The following KDM2A variants were observed in gnomAD, a reference collection of about 807,000 sequenced individuals.
The protein encoded by KDM2A is lysine demethylase 2A, also known as lysine-specific demethylase 2A.
Under a neutral mutation model 137.3 loss-of-function variants are expected in KDM2A, and 3 were observed. The ratio of observed to expected loss-of-function variants is 0.02; its 90% confidence interval spans 0.01 to 0.06. The LOEUF is 0.06. Ranked by LOEUF, KDM2A falls within the 10% of genes least tolerant of loss-of-function variation. KDM2A has a pLI of 1.00. For missense variants in KDM2A, 738 were observed against 1,510.6 expected, an observed-to-expected ratio of 0.49 and a Z score of 8.48; for synonymous variants, 512 against 541.5, an observed-to-expected ratio of 0.95 and a Z score of 0.76.
chr11:67,210,205 A>G (rs949715546), intron 6 of KDM2A, among the ~76,000 whole-genome samples: 5 of 151,632 alleles, frequency 3.3e-5, no homozygotes, highest in Non-Finnish European at 7.4e-5. Flanking sequence ...CTGTCTCTAT[A>G]GAAAAATTAG....
intron 12 of KDM2A, among the ~76,000 whole-genome samples, chr11:67,242,534 TG>T (rs1859077256): frequency 6.6e-6 from 1 of 152,244 alleles, no homozygotes; most frequent in Non-Finnish European, 1.5e-5. Context: ...AAAGTTTTAC[TG>T]TCATATGTAG....
At chr11:67,177,967 A>T (rs552339858) in intron 2 of KDM2A, among the ~76,000 whole-genome samples, 1 of 152,332 alleles carries the variant, frequency 6.6e-6, no homozygotes, top group African/African-American at 2.4e-5. Context: ...GAACACTGTC[A>T]TATATGTGCA....
Position 67,250,294 on chromosome 11 carries a change from A to C in KDM2A, c.2264A>C (p.Glu755Ala). The C allele has an allele frequency of 6.2e-7, 1 of 1,613,972 alleles. No homozygotes were observed. Among genetic ancestry groups the C allele is most frequent in the Non-Finnish European group, 8.5e-7 (1 of 1,179,898 alleles). Residue 755 changes from glutamate to alanine, a missense_variant, in exon 17 of 21, where the codon GAG (glutamate) becomes GCG (alanine). By Grantham distance (107) the Glu-to-Ala change is moderately radical (BLOSUM62 -1). Coordinates refer to ENST00000529006, the MANE Select transcript of KDM2A (RefSeq NM_012308.3). This position sits in a 1 kb window ranked among gnomAD's most constrained non-coding sequence, Gnocchi z 7.1. ...GACCACCACAGTGCCAGCCGCGATG[A>C]GCGCTTCAAACGGCGGCAGTTGCTG... Reference protein sequence around the residue: ...PSDHHSASRDERFKRRQLLRL... With the variant: ...PSDHHSASRDARFKRRQLLRL...
At chr11:67,181,481 C>A in intron 4 of KDM2A, 83 bp downstream of exon 4, 4 of 825,032 alleles carry the variant, frequency 4.8e-6, no homozygotes, top group Non-Finnish European at 7.8e-6. Context: ...GTATTGATAA[C>A]CCAAAACAAT....
chr11:67,236,908 C>T (rs1433928169), intron 12 of KDM2A, among the ~76,000 whole-genome samples: 1 of 152,068 alleles, frequency 6.6e-6, no homozygotes, highest in African/African-American at 2.4e-5. Context: ...CCTCAAGAGC[C>T]TTAGAGTTCA....
chr11:67,190,183 G>C (rs1211839183), intron 5 of KDM2A, among the ~76,000 whole-genome samples: 1 of 152,216 alleles, frequency 6.6e-6, no homozygotes, highest in African/African-American at 2.4e-5. Context: ...GCCGAGGCGG[G>C]TGGATCACCT....
chr11:67,135,984 G>GT (rs1461146987), intron 2 of KDM2A, among the ~76,000 whole-genome samples: 2 of 152,066 alleles, frequency 1.3e-5, no homozygotes, highest in African/African-American at 2.4e-5. Context: ...TGTTGCCTTT[G>GT]TGTAACTATA....
At position 67,240,116 on chromosome 11, in the gene KDM2A, G is replaced by A. The variant is rs1858983412; in HGVS notation, c.1480-2893G>A. The A allele has an allele frequency of 5.8e-6, 8 of 1,376,162 alleles. No homozygotes were observed. In the South Asian group the frequency reaches 1.4e-4, roughly 25 times the overall value. 85.2% of individuals were successfully genotyped at this position (1,376,162 alleles called of 1,614,324 possible). ...ATTGTTCGCAGGCACAGGAAGCCGC[G>A]GCTGAGCTGAAGGGCTCGAGAAGGA... On this transcript the variant is annotated intron_variant, in intron 12 of 20. Transcript: ENST00000529006.
chr11:67,245,597 C>CT lies in KDM2A; in HGVS notation c.1833+145dup. 1.1e-6 allele frequency: 1 copy of CT among 927,270 alleles called. No individual in the cohort carries two copies. Among genetic ancestry groups the CT allele is most frequent in the Non-Finnish European group, 1.6e-6 (1 of 628,308 alleles). 57.4% of individuals were successfully genotyped at this position (927,270 alleles called of 1,614,324 possible). On this transcript the variant is annotated intron_variant, in intron 14 of 20. Coordinates refer to ENST00000529006, the MANE Select transcript of KDM2A (RefSeq NM_012308.3). This position sits in a 1 kb window ranked among gnomAD's most constrained non-coding sequence, Gnocchi z 4.1. ...CTCTCTTTTTGGCTTTATTTTGTAC[C>CT]TTTTTTCCCCAGGTTTAGATAGAAG...
At chr11:67,144,160 G>C (rs935205253) in intron 2 of KDM2A, among the ~76,000 whole-genome samples, 3 of 151,562 alleles carry the variant, frequency 2.0e-5, no homozygotes, top group Non-Finnish European at 4.4e-5. Context: ...GCCCAGGCTG[G>C]TCTCAAACTC....
At chr11:67,195,226 G>C (rs1053732064) in intron 5 of KDM2A, among the ~76,000 whole-genome samples, 1 of 151,752 alleles carries the variant, frequency 6.6e-6, no homozygotes, top group Non-Finnish European at 1.5e-5. Context: ...CAAATTAGCC[G>C]GGCGTGGTGG....
chr11:67,132,576 T>C (rs1422851371), intron 2 of KDM2A, among the ~76,000 whole-genome samples: 1 of 152,172 alleles, frequency 6.6e-6, no homozygotes, highest in African/African-American at 2.4e-5. Flanking sequence ...CATGAGCCGC[T>C]GCGTCCAGCC....
intron 17 of KDM2A, 67 bp from the exon 18 acceptor site, chr11:67,252,627 A>G: frequency 6.4e-7 from 1 of 1,555,428 alleles, no homozygotes. Context: ...AGAAGCCATA[A>G]GCAGCCTGTG....
chr11:67,139,548 T>C (rs1856047279), intron 2 of KDM2A, among the ~76,000 whole-genome samples: 2 of 151,800 alleles, frequency 1.3e-5, no homozygotes. Context: ...CCCAGCCTCT[T>C]TTTGTTTTTT....
At chr11:67,180,803 CCA>C (rs1857075065) in intron 3 of KDM2A, among the ~76,000 whole-genome samples, 1 of 151,966 alleles carries the variant, frequency 6.6e-6, no homozygotes, top group Middle Eastern at 3.4e-3. Context: ...CAGGCACGTG[CCA>C]CCACACCCGG....
At chr11:67,193,392 A>G (rs983245909) in intron 5 of KDM2A, among the ~76,000 whole-genome samples, 7 of 152,192 alleles carry the variant, frequency 4.6e-5, no homozygotes, top group Non-Finnish European at 8.8e-5. Context: ...ATGTTTATTG[A>G]CTATTTGGGC....
At chr11:67,168,291 C>T (rs956813051) in intron 2 of KDM2A, among the ~76,000 whole-genome samples, 7 of 152,080 alleles carry the variant, frequency 4.6e-5, no homozygotes, top group Admixed American at 1.3e-4. Context: ...CAGCATTTTT[C>T]TTATGTGGCT....
intron 6 of KDM2A, among the ~76,000 whole-genome samples, 156 bp downstream of exon 6, chr11:67,207,844 G>A (rs1431577755): frequency 6.6e-6 from 1 of 151,960 alleles, no homozygotes; most frequent in Non-Finnish European, 1.5e-5. Flanking sequence ...GGGCAACATG[G>A]TGAAACCACA....
intron 2 of KDM2A, among the ~76,000 whole-genome samples, chr11:67,144,188 G>T (rs1478274179): frequency 1.3e-5 from 2 of 151,394 alleles, no homozygotes; most frequent in Non-Finnish European, 2.9e-5. Flanking sequence ...CACGTGATCT[G>T]CCTACCTCCC....
Sources: allele counts gnomAD v4.1 joint callset (sites outside exome capture counted in the v4.1 genomes callset), GRCh38; gene constraint gnomAD v4.1.1; non-coding constraint Gnocchi (gnomAD v3.1); transcripts MANE v1.5; gene names NCBI Gene and HGNC (gene_info 2026-07-23, HGNC 2026-07-21).